The following ACVR1C variants were observed in gnomAD, a reference collection of about 807,000 sequenced individuals.
The protein encoded by ACVR1C is activin receptor type-1C.
ACVR1C carries 23 observed loss-of-function variants against 57.9 expected under a neutral mutation model. That is an observed-to-expected ratio of 0.40 (90% CI 0.29 to 0.56). The LOEUF is 0.56. ACVR1C is among the 20% of genes least tolerant of loss of function. The probability of loss-of-function intolerance (pLI) is 0.50; values close to 1 mark genes in which losing one functional copy is unlikely to be tolerated. For missense variants in ACVR1C, 480 were observed against 607.9 expected (o/e 0.79, Z 2.21); for synonymous variants, 214 against 215.3 (o/e 0.99, Z 0.05).
chr2:157,620,747 T>A (rs1682754795), intron 1 of ACVR1C, among the ~76,000 whole-genome samples: 1 of 152,148 alleles, frequency 6.6e-6, no homozygotes, highest in African/African-American at 2.4e-5. Context: ...TTTCTTTATG[T>A]TGAGAACATT....
In ACVR1C at chr2:157,533,842, T is replaced by G. The variant is rs757498287; in HGVS notation, c.*76A>C. The G allele has an allele frequency of 1.6e-4, 226 of 1,386,708 alleles. No individual in the cohort carries two copies. Among genetic ancestry groups the G allele is most frequent in the Non-Finnish European group, 2.0e-4 (212 of 1,056,634 alleles). 85.9% of individuals were successfully genotyped at this position (1,386,708 alleles called of 1,614,324 possible). On this transcript the variant is annotated 3_prime_UTR_variant, in exon 9 of 9. Coordinates refer to ENST00000243349, the MANE Select transcript of ACVR1C (RefSeq NM_145259.3). ...TCTTTGAGGTAGAACAAAAAAAAAA[T>G]GGCAAAAACATTCACATAAAGGGGA... is the stretch of plus-strand genomic sequence containing the variant.
At chr2:157,556,552 A>G (rs946904644) in intron 2 of ACVR1C, among the ~76,000 whole-genome samples, 1 of 152,088 alleles carries the variant, frequency 6.6e-6, no homozygotes, top group Non-Finnish European at 1.5e-5. Context: ...ACAATAAGAA[A>G]TATGATTAGG....
intron 2 of ACVR1C, among the ~76,000 whole-genome samples, chr2:157,581,434 G>C (rs1285757215): frequency 6.6e-6 from 1 of 152,132 alleles, no homozygotes; most frequent in Non-Finnish European, 1.5e-5. Flanking sequence ...GAGGGGGACT[G>C]ATTAGGGGGC....
rs557818305 is a variant in ACVR1C, at chr2:157,546,688, C to T, written c.776-2076G>A. ...GTTACCTATTAGGGGCACTAATGAA[C>T]AGTTAGATGAGTAACAATTTCGTAA... On this transcript the variant is annotated intron_variant, in intron 4 of 8. Coordinates refer to ENST00000243349, the MANE Select transcript of ACVR1C (RefSeq NM_145259.3). Among the ~76,000 whole-genome samples, 15 of 151,856 alleles carry T rather than the reference C, an allele frequency of 9.9e-5. No homozygotes were observed. The South Asian group carries it at 2.1e-3, about 21-fold the overall frequency.
chr2:157,565,906 C>T lies in ACVR1C; in HGVS notation c.305-9574G>A, dbSNP rs374902294. On this transcript the variant is annotated intron_variant, in intron 2 of 8. Coordinates refer to ENST00000243349, the MANE Select transcript of ACVR1C (RefSeq NM_145259.3). ...GAATTTAAGAAGAATAACATTTTTA[C>T]GCTTTAAAGAAACAAGAATCTTGGA... Among the ~76,000 whole-genome samples, 21 of 152,224 alleles carry T rather than the reference C, an allele frequency of 1.4e-4. 1 individual carries two copies. The South Asian group carries it at 3.9e-3, about 29-fold the overall frequency.
At chr2:157,589,236 G>C (rs1364762396) in intron 1 of ACVR1C, among the ~76,000 whole-genome samples, 2 of 151,956 alleles carry the variant, frequency 1.3e-5, no homozygotes, top group African/African-American at 4.8e-5. Flanking sequence ...TCTGGCTGGG[G>C]TAAGCTGGTA....
chr2:157,553,860 A>G (rs1002364639), intron 3 of ACVR1C, among the ~76,000 whole-genome samples: 1 of 152,140 alleles, frequency 6.6e-6, no homozygotes, highest in Non-Finnish European at 1.5e-5. Flanking sequence ...AGAAGGAAAC[A>G]GTATTGAATA....
At chr2:157,588,861 A>ATG (rs2105258318) in intron 1 of ACVR1C, among the ~76,000 whole-genome samples, 1 of 139,940 alleles carries the variant, frequency 7.1e-6, no homozygotes, top group Admixed American at 7.1e-5. Flanking sequence ...ATATATATAT[A>ATG]TATATATATA....
intron 1 of ACVR1C, among the ~76,000 whole-genome samples, chr2:157,620,510 A>G (rs1057418674): frequency 3.3e-5 from 5 of 152,134 alleles, no homozygotes; most frequent in African/African-American, 7.2e-5. Context: ...TTGTAAAACA[A>G]TCTGGTTTTT....
chr2:157,555,474 C>T (rs1045673982), intron 3 of ACVR1C, among the ~76,000 whole-genome samples: 1 of 152,188 alleles, frequency 6.6e-6, no homozygotes, highest in Non-Finnish European at 1.5e-5. Flanking sequence ...GGAAGACAGT[C>T]ATGTATGTAA....
chr2:157,621,057 T>C (rs1682760277), intron 1 of ACVR1C, among the ~76,000 whole-genome samples: 1 of 152,308 alleles, frequency 6.6e-6, no homozygotes, highest in Non-Finnish European at 1.5e-5. Flanking sequence ...TTGATCTAAT[T>C]TGGGATGTTT....
chr2:157,587,755 A>G (rs1441813820), intron 1 of ACVR1C, among the ~76,000 whole-genome samples: 2 of 152,046 alleles, frequency 1.3e-5, no homozygotes, highest in Non-Finnish European at 2.9e-5. Flanking sequence ...AGGAAACAGT[A>G]TCACAGCAAC....
chr2:157,576,097 C>T lies in ACVR1C; in HGVS notation c.304+11090G>A, dbSNP rs144553541. 5.5e-4 allele frequency among the ~76,000 whole-genome samples: 84 copies of T among 152,136 alleles called. 1 individual carries two copies. The East Asian group carries it at 0.014, about 25-fold the overall frequency. On this transcript the variant is annotated intron_variant, in intron 2 of 8. Transcript: ENST00000243349. ...AATTATAAATGTCCATGTAAATCCC[C>T]TCTCTGCTCAACATTGGCACCCCCA... is the stretch of plus-strand genomic sequence containing the variant.
At chr2:157,577,284 T>C (rs1179831363) in intron 2 of ACVR1C, among the ~76,000 whole-genome samples, 1 of 152,226 alleles carries the variant, frequency 6.6e-6, no homozygotes, top group Non-Finnish European at 1.5e-5. Flanking sequence ...ATAAATCATG[T>C]TGTTTCAACC....
Position 157,532,370 on chromosome 2 carries a change from T to A in ACVR1C, c.*1548A>T, listed in dbSNP as rs1220197997. On this transcript the variant is annotated 3_prime_UTR_variant, in exon 9 of 9. Coordinates refer to ENST00000243349, the MANE Select transcript of ACVR1C (RefSeq NM_145259.3). ...ATCAAGTAGCATTTCTTTACTGTTA[T>A]TAGTTTTTTTTTTTTTTTTTACTGT... The A allele has an allele frequency of 2.0e-5, 3 of 150,456 alleles. No homozygotes were observed. Among genetic ancestry groups the A allele is most frequent in the Non-Finnish European group, 3.0e-5 (2 of 67,674 alleles). 9.3% of individuals were successfully genotyped at this position (150,456 alleles called of 1,614,324 possible).
At chr2:157,601,436 G>A (rs542346245) in intron 1 of ACVR1C, among the ~76,000 whole-genome samples, 2 of 152,076 alleles carry the variant, frequency 1.3e-5, no homozygotes, top group East Asian at 3.9e-4. Context: ...TTTTGCAGCT[G>A]CCCAAATATA....
chr2:157,572,569 G>C (rs1185139240), intron 2 of ACVR1C, among the ~76,000 whole-genome samples: 1 of 152,034 alleles, frequency 6.6e-6, no homozygotes, highest in Non-Finnish European at 1.5e-5. Flanking sequence ...AAATGTAATG[G>C]TATTTAAATA....
chr2:157,547,595 T>C (rs1196930577), intron 4 of ACVR1C, among the ~76,000 whole-genome samples: 1 of 144,724 alleles, frequency 6.9e-6, no homozygotes, highest in Non-Finnish European at 1.5e-5. Flanking sequence ...TTCATGTGTT[T>C]TTTGGCTGCA....
chr2:157,572,130 A>G (rs1291423897), intron 2 of ACVR1C, among the ~76,000 whole-genome samples: 1 of 102,536 alleles, frequency 9.8e-6, no homozygotes, highest in African/African-American at 3.8e-5. Context: ...AAAACCAAAC[A>G]CCGCATATTC....
Sources: gnomAD v4.1 joint callset for allele counts (sites outside exome capture counted in the v4.1 genomes callset) on GRCh38, gnomAD v4.1.1 for gene constraint, MANE v1.5 for transcripts, NCBI Gene and HGNC (gene_info 2026-07-23, HGNC 2026-07-21) for gene names.